SCN2A: variants seen among roughly 807,000 people sequenced by gnomAD.
SCN2A encodes sodium channel protein type 2 subunit alpha.
Under a neutral mutation model 188.7 loss-of-function variants are expected in SCN2A, and 20 were observed. That is an observed-to-expected ratio of 0.11 (90% confidence interval 0.07 to 0.15). SCN2A has a LOEUF of 0.15. Ranked by LOEUF, SCN2A falls within the 10% of genes least tolerant of loss-of-function variation. The probability of loss-of-function intolerance (pLI) is 1.00; values close to 1 mark genes in which losing one functional copy is unlikely to be tolerated. For missense variants in SCN2A, 1,278 were observed against 2,445.0 expected (o/e 0.52, Z 10.07); for synonymous variants, 804 against 833.1 (o/e 0.97, Z 0.60).
chr2:165,252,866 G>C, intron 1 of SCN2A, among the ~76,000 whole-genome samples: 1 of 151,930 alleles, frequency 6.6e-6, no homozygotes, highest in Non-Finnish European at 1.5e-5. Flanking sequence ...GGGAGGGGGG[G>C]TGTGGCTGCT....
At chr2:165,291,475 TTTC>T (rs1559340177) in intron 1 of SCN2A, among the ~76,000 whole-genome samples, 6 of 45,728 alleles carry the variant, frequency 1.3e-4, no homozygotes, top group East Asian at 6.8e-4. Flanking sequence ...TCTTTCTTTC[TTTC>T]TTTCTTTCTT....
At chr2:165,366,508 G>A (rs965934324) in intron 18 of SCN2A, among the ~76,000 whole-genome samples, 2 of 151,884 alleles carry the variant, frequency 1.3e-5, no homozygotes, top group African/African-American at 4.8e-5. Context: ...CGAGGCAGGC[G>A]GATCACTTGA....
At chr2:165,331,277 G>C (rs1040489758) in intron 13 of SCN2A, 53 bp from the exon 14 acceptor site, 2 of 1,323,406 alleles carry the variant, frequency 1.5e-6, no homozygotes, top group African/African-American at 2.9e-5. Flanking sequence ...AACCAAATCT[G>C]CTTAATAGAA....
chr2:165,313,882 ATC>A lies in SCN2A; in HGVS notation c.1177-14_1177-13del. On this transcript the variant is annotated intron_variant, in intron 9 of 26. Transcript: ENST00000375437. ...AACATCCTATATAAAATTTATTAAA[ATC>A]TCTCTTCCATTTTGCAGACACTACG... The A allele has an allele frequency of 6.2e-7, 1 of 1,613,400 alleles. No homozygotes were observed. Among genetic ancestry groups the A allele is most frequent in the Admixed American group, 1.7e-5 (1 of 59,964 alleles).
chr2:165,353,997 G>A (rs997668695), intron 16 of SCN2A, among the ~76,000 whole-genome samples, 195 bp from the exon 17 acceptor site: 1 of 152,168 alleles, frequency 6.6e-6, no homozygotes, highest in African/African-American at 2.4e-5. Flanking sequence ...AAAGCAAATA[G>A]TGATAATAGT....
intron 3 of SCN2A, among the ~76,000 whole-genome samples, chr2:165,306,680 A>ATT (rs1559350427): frequency 1.3e-5 from 2 of 151,088 alleles, no homozygotes; most frequent in African/African-American, 4.9e-5. Flanking sequence ...AAAAAATAAT[A>ATT]ATTATTATTA....
At chr2:165,357,887 T>G (rs964388749) in intron 17 of SCN2A, among the ~76,000 whole-genome samples, 1 of 152,286 alleles carries the variant, frequency 6.6e-6, no homozygotes, top group South Asian at 2.1e-4. Flanking sequence ...CATCTATAAA[T>G]ATAATCAGTT....
At chr2:165,348,342 G>A (rs913751952) in intron 16 of SCN2A, among the ~76,000 whole-genome samples, 46 of 135,622 alleles carry the variant, frequency 3.4e-4, no homozygotes, top group African/African-American at 1.2e-3. Context: ...CTGGGTGAAA[G>A]AGCGAGACTC....
chr2:165,282,356 G>C lies in SCN2A; in HGVS notation c.-51-13417G>C, dbSNP rs117848975. ...GTTGCTTCAGTCCAGCAACTGGTGG[G>C]AAGGGGAATTTGGCAGTGGGGGATG... On this transcript the variant is annotated intron_variant, in intron 1 of 26. Coordinates refer to ENST00000375437, the MANE Select transcript of SCN2A (RefSeq NM_001040142.2). 1.8e-4 allele frequency among the ~76,000 whole-genome samples: 28 copies of C among 152,260 alleles called. No individual in the cohort carries two copies. The East Asian group carries it at 5.2e-3, about 28-fold the overall frequency.
intron 7 of SCN2A, 41 bp downstream of exon 7, chr2:165,310,636 T>A: frequency 1.5e-6 from 2 of 1,336,832 alleles, no homozygotes; most frequent in East Asian, 2.5e-5. Context: ...TTTAGTTCTC[T>A]AAATATTAAA....
At chr2:165,308,174 T>A (rs1237277506) in intron 4 of SCN2A, among the ~76,000 whole-genome samples, 1 of 152,154 alleles carries the variant, frequency 6.6e-6, no homozygotes, top group African/African-American at 2.4e-5. Context: ...TTTATCTTCT[T>A]TGTGAGTCTT....
At chr2:165,254,690 C>G (rs984043861) in intron 1 of SCN2A, among the ~76,000 whole-genome samples, 1 of 151,764 alleles carries the variant, frequency 6.6e-6, no homozygotes, top group Non-Finnish European at 1.5e-5. Flanking sequence ...TAGACGTACA[C>G]ATTTTGTAGA....
At chr2:165,363,963 ATATTT>A (rs1700594464) in intron 17 of SCN2A, among the ~76,000 whole-genome samples, 1 of 152,180 alleles carries the variant, frequency 6.6e-6, no homozygotes, top group African/African-American at 2.4e-5. Flanking sequence ...TGCTAAGGAA[ATATTT>A]TATATAAAGA....
chr2:165,389,660 G>A lies in SCN2A; in HGVS notation c.5854G>A (p.Asp1952Asn), dbSNP rs1163504197. The A allele has an allele frequency of 1.9e-6, 3 of 1,613,742 alleles. No homozygotes were observed. Among genetic ancestry groups the A allele is most frequent in the Non-Finnish European group, 2.5e-6 (3 of 1,179,746 alleles). The change falls in exon 27 of 27, where the codon GAT becomes AAT. Residue 1952 changes from aspartate (D) to asparagine (N), a missense_variant. Physicochemically the swap from Asp to Asn is conservative, Grantham distance 23. Coordinates refer to ENST00000375437, the MANE Select transcript of SCN2A (RefSeq NM_001040142.2). The surrounding 1 kb of genome is among the most constrained non-coding windows in gnomAD (Gnocchi z 4.2). ...GTPIKEDTLI[D>N]KLNENSTPEK... ...ACCCATCAAAGAAGATACTCTCATT[G>A]ATAAACTGAATGAGAATTCAACTCC...
chr2:165,294,040 A>AAGTTT (rs780674346), intron 1 of SCN2A: 5 of 630,388 alleles, frequency 7.9e-6, no homozygotes, highest in Non-Finnish European at 9.4e-6. Flanking sequence ...AAAAAAAAAG[A>AAGTTT]TTTTTTTTTT....
chr2:165,344,995 A>AT (rs1401154162), intron 16 of SCN2A, 84 bp downstream of exon 16: 7 of 1,565,514 alleles, frequency 4.5e-6, no homozygotes, highest in African/African-American at 4.1e-5. Context: ...AATATTTTGT[A>AT]TTTTTTAAAT....
In SCN2A at chr2:165,381,139, A is replaced by C. The variant is rs1558879863; in HGVS notation, c.4493A>C (p.Tyr1498Ser). 1 of 1,593,540 alleles carries C rather than the reference A, an allele frequency of 6.3e-7. No individual in the cohort carries two copies. The highest frequency in any genetic ancestry group is 8.6e-7 in the Non-Finnish European group (1 of 1,168,856). The change falls in exon 25 of 27, where the codon TAC becomes TCC. Residue 1498 changes from tyrosine (Y) to serine (S), a missense_variant. This residue lies in a region of SCN2A where 97 missense variants were observed against 266.1 expected (regional missense o/e 0.36). Coordinates refer to ENST00000375437, the MANE Select transcript of SCN2A (RefSeq NM_001040142.2). ...IFMTEEQKKY[Y>S]NAMKKLGSKK... is the part of the protein sequence containing the mutation. Reference sequence around the variant, plus strand: ...ATGACAGAAGAACAGAAGAAATACTACAATGCAATGAAAAAACTGGGTTCA... The same window carrying C: ...ATGACAGAAGAACAGAAGAAATACTCCAATGCAATGAAAAAACTGGGTTCA...
At chr2:165,338,376 T>C (rs2105307036) in intron 14 of SCN2A, among the ~76,000 whole-genome samples, 3 of 151,824 alleles carry the variant, frequency 2.0e-5, no homozygotes, top group Middle Eastern at 6.8e-3. Flanking sequence ...TCTGCTGCCT[T>C]AGCCTCCCGA....
intron 1 of SCN2A, among the ~76,000 whole-genome samples, chr2:165,247,040 T>C (rs1463811867): frequency 6.6e-6 from 1 of 152,120 alleles, no homozygotes; most frequent in African/African-American, 2.4e-5. Context: ...TCCTACCAGG[T>C]TCTGCACCCA....
Sources: gnomAD v4.1 joint callset for allele counts (sites outside exome capture counted in the v4.1 genomes callset) on GRCh38, gnomAD v4.1.1 for gene constraint, gnomAD v4.1.1 regional missense constraint, Gnocchi (gnomAD v3.1) non-coding constraint, MANE v1.5 for transcripts, NCBI Gene and HGNC (gene_info 2026-07-23, HGNC 2026-07-21) for gene names.